Variants in PLEKHA6 observed in about 807,000 individuals in gnomAD.
The protein encoded by PLEKHA6 is pleckstrin homology domain containing A6, also known as pleckstrin homology domain-containing family A member 6.
In PLEKHA6, 60 loss-of-function variants were observed where a neutral mutation model predicts 116.7. The observed-to-expected ratio is 0.51, with a 90% CI of 0.42 to 0.64. The LOEUF (loss-of-function observed/expected upper bound fraction) is 0.64. Ranked by LOEUF, PLEKHA6 falls within the 30% of genes least tolerant of loss-of-function variation. The pLI, the probability that PLEKHA6 is intolerant of heterozygous loss-of-function variation, is 0.00. For missense variants in PLEKHA6, 1,338 were observed against 1,422.7 expected, an observed-to-expected ratio of 0.94 and a Z score of 0.96; for synonymous variants, 489 against 556.1, an observed-to-expected ratio of 0.88 and a Z score of 1.70.
intron 1 of PLEKHA6, among the ~76,000 whole-genome samples, chr1:204,347,956 G>A (rs11240725): frequency 0.73 from 111,488 of 152,036 alleles, 46,187 homozygotes; most frequent in East Asian, 0.95. Flanking sequence ...CTGAAGTACC[G>A]ATTCTCCTTA....
rs775683156 is a variant in PLEKHA6, at chr1:204,261,358, G to T, written c.472C>A (p.Arg158=). The T allele has an allele frequency of 6.2e-7, 1 of 1,614,046 alleles. No individual in the cohort carries two copies. Among genetic ancestry groups the T allele is most frequent in the South Asian group, 1.1e-5 (1 of 91,072 alleles). ...AWIQAMGEAA[R]VQIPPAQKSV... ...TTCTGGGCTGGAGGGATCTGTACTC[G>T]AGCAGCCTCCCCCATGGCCTGGATC... Residue 158 remains arginine (R), a synonymous_variant, in exon 7 of 23, where the codon CGA becomes AGA. Coordinates refer to ENST00000272203, the MANE Select transcript of PLEKHA6 (RefSeq NM_014935.5). This position sits in a 1 kb window ranked among gnomAD's most constrained non-coding sequence, Gnocchi z 4.0.
Position 204,250,529 on chromosome 1 carries a change from G to T in PLEKHA6, c.1593+17C>A. The T allele has an allele frequency of 1.3e-6, 2 of 1,595,872 alleles. No individual in the cohort carries two copies. The highest frequency in any genetic ancestry group is 1.7e-6 in the Non-Finnish European group (2 of 1,164,298). On this transcript the variant is annotated intron_variant, in intron 10 of 22. Coordinates refer to ENST00000272203, the MANE Select transcript of PLEKHA6 (RefSeq NM_014935.5). ...GAGGCTGGAGTGGAGGGAGGGAGCA[G>T]GGGGCGCTGCTCTTACATCTGTGTC...
intron 3 of PLEKHA6, among the ~76,000 whole-genome samples, chr1:204,269,724 A>G (rs116136620): frequency 0.016 from 2,457 of 152,254 alleles, 71 homozygotes; most frequent in African/African-American, 0.057. Context: ...ATGTCAAAAG[A>G]AGAGGTGCTG....
rs576324368 is a variant in PLEKHA6 at position 204,223,303 on chromosome 1, G to A, written c.*8+159C>T. Among the ~76,000 whole-genome samples the A allele has an allele frequency of 2.0e-5, 3 of 152,228 alleles. No homozygotes were observed. Among genetic ancestry groups the A allele is most frequent in the South Asian group, 2.1e-4 (1 of 4,818 alleles). The stretch of plus-strand genomic sequence containing the variant: ...CACTGCGTGGGGAAGCTGGATGGAC[G>A]GATGGATGGATGAATGGATGGATAG... On this transcript the variant is annotated intron_variant, in intron 22 of 22. Coordinates refer to ENST00000272203, the MANE Select transcript of PLEKHA6 (RefSeq NM_014935.5). The surrounding 1 kb of genome is among the most constrained non-coding windows in gnomAD (Gnocchi z 4.8).
chr1:204,285,457 TG>T (rs1669052115), intron 1 of PLEKHA6, among the ~76,000 whole-genome samples: 1 of 129,294 alleles, frequency 7.7e-6, no homozygotes. Flanking sequence ...TTGTTGTTGT[TG>T]GTTTTTTTTT....
intron 1 of PLEKHA6, chr1:204,282,633 A>C (rs1668745293): frequency 1.0e-6 from 1 of 984,628 alleles, no homozygotes; most frequent in South Asian, 4.7e-5. Flanking sequence ...GCCAGTCCTT[A>C]ACTGTCTCAA....
intron 1 of PLEKHA6, among the ~76,000 whole-genome samples, chr1:204,290,083 A>G (rs753995443): frequency 2.0e-5 from 3 of 152,244 alleles, no homozygotes; most frequent in Non-Finnish European, 4.4e-5. Context: ...ATGGATCAGG[A>G]GACTCAATAT....
chr1:204,363,344 A>G (rs548119128), upstream of PLEKHA6, among the ~76,000 whole-genome samples: 99 of 152,340 alleles, frequency 6.5e-4, no homozygotes, highest in African/African-American at 2.3e-3. Context: ...TAGGCGCGCC[A>G]GGGCCGTGGG....
Position 204,223,589 on chromosome 1 carries a change from G to A in PLEKHA6, c.3032-4C>T, listed in dbSNP as rs1478560429. 6.0e-6 allele frequency: 4 copies of A among 664,302 alleles called. No homozygotes were observed. Among genetic ancestry groups the A allele is most frequent in the Non-Finnish European group, 7.9e-6 (4 of 505,938 alleles). 41.2% of individuals were successfully genotyped at this position (664,302 alleles called of 1,614,324 possible). A position where few individuals can be genotyped will look rare whatever the true frequency, so the allele number is the denominator to read the frequency against. ...GGGCTTGGGGTGGCACATTGCACTG[G>A]AAACAGAAATGAACAGGGAGGTGAA... On this transcript the variant is annotated splice_region_variant and splice_polypyrimidine_tract_variant and intron_variant, in intron 21 of 22. Coordinates refer to ENST00000272203, the MANE Select transcript of PLEKHA6 (RefSeq NM_014935.5). This position sits in a 1 kb window ranked among gnomAD's most constrained non-coding sequence, Gnocchi z 4.8.
At chr1:204,320,266 G>T (rs1672011685) in intron 1 of PLEKHA6, among the ~76,000 whole-genome samples, 1 of 152,170 alleles carries the variant, frequency 6.6e-6, no homozygotes, top group African/African-American at 2.4e-5. Context: ...TAGGAGGATG[G>T]TGGCATGCAA....
intron 1 of PLEKHA6, among the ~76,000 whole-genome samples, chr1:204,346,398 C>T (rs995524087): frequency 9.9e-5 from 10 of 101,136 alleles, no homozygotes; most frequent in African/African-American, 2.9e-4. Flanking sequence ...TTCCAGAACA[C>T]GGGTCTGGGC....
At chr1:204,229,431 TA>T (rs1454365800) in intron 18 of PLEKHA6, among the ~76,000 whole-genome samples, 2 of 152,220 alleles carry the variant, frequency 1.3e-5, no homozygotes, top group African/African-American at 4.8e-5. Context: ...TTTTATTTTT[TA>T]AGAAACAGTG....
At chr1:204,306,518 A>G (rs568085859) in intron 1 of PLEKHA6, among the ~76,000 whole-genome samples, 1 of 152,350 alleles carries the variant, frequency 6.6e-6, no homozygotes, top group South Asian at 2.1e-4. Context: ...AGGCACTGAG[A>G]AGAAAGTGCT....
At chr1:204,269,264 T>C (rs1408479486) in intron 3 of PLEKHA6, among the ~76,000 whole-genome samples, 1 of 146,778 alleles carries the variant, frequency 6.8e-6, no homozygotes, top group Non-Finnish European at 1.5e-5. Context: ...CATCAGCTCC[T>C]CCCGGTTTTC....
At chr1:204,318,293 AATTGG>A (rs1671934194) in intron 1 of PLEKHA6, among the ~76,000 whole-genome samples, 1 of 152,186 alleles carries the variant, frequency 6.6e-6, no homozygotes, top group Admixed American at 6.5e-5. Flanking sequence ...AAGGGCTTCA[AATTGG>A]CTCATTTACT....
chr1:204,324,811 G>A (rs1672187383), intron 1 of PLEKHA6, among the ~76,000 whole-genome samples: 1 of 152,218 alleles, frequency 6.6e-6, no homozygotes, highest in African/African-American at 2.4e-5. Context: ...ACCTGTTTGT[G>A]TCTTTGTCCT....
At chr1:204,254,176 C>T (rs1664962935) in intron 9 of PLEKHA6, among the ~76,000 whole-genome samples, 2 of 152,232 alleles carry the variant, frequency 1.3e-5, no homozygotes, top group South Asian at 2.1e-4. Flanking sequence ...CCTCCCGGCC[C>T]TGCTCAGAGT....
intron 1 of PLEKHA6, among the ~76,000 whole-genome samples, chr1:204,324,897 C>A (rs1202593523): frequency 6.6e-6 from 1 of 152,070 alleles, no homozygotes; most frequent in Non-Finnish European, 1.5e-5. Context: ...AGAGGAGATG[C>A]AGGAATACAG....
At chr1:204,311,240 C>T (rs553397965) in intron 1 of PLEKHA6, among the ~76,000 whole-genome samples, 2 of 152,212 alleles carry the variant, frequency 1.3e-5, no homozygotes, top group Non-Finnish European at 2.9e-5. Context: ...GCCTGTAATA[C>T]CAGCACTTTG....
Sources: gnomAD v4.1 joint callset for allele counts (sites outside exome capture counted in the v4.1 genomes callset) on GRCh38, gnomAD v4.1.1 for gene constraint, Gnocchi (gnomAD v3.1) non-coding constraint, MANE v1.5 for transcripts, NCBI Gene and HGNC (gene_info 2026-07-23, HGNC 2026-07-21) for gene names.